Variants in DNAJC3 observed in about 807,000 individuals in gnomAD.
DNAJC3 encodes the protein DnaJ heat shock protein family (Hsp40) member C3.
A neutral mutation model predicts 68.6 loss-of-function variants in DNAJC3; 38 were observed. The observed-to-expected ratio is 0.55, with a 90% CI of 0.43 to 0.73. The LOEUF is 0.73. DNAJC3 is among the 30% of genes least tolerant of loss of function. The pLI, the probability that DNAJC3 is intolerant of heterozygous loss-of-function variation, is 0.00. For missense variants in DNAJC3, 526 were observed against 591.9 expected, an observed-to-expected ratio of 0.89 and a Z score of 1.16; for synonymous variants, 203 against 204.0, an observed-to-expected ratio of 1.00 and a Z score of 0.04.
chr13:95,681,722 C>T (rs1332494742), intron 1 of DNAJC3, among the ~76,000 whole-genome samples: 3 of 152,228 alleles, frequency 2.0e-5, no homozygotes, highest in Admixed American at 2.0e-4. Context: ...AACACTCCCA[C>T]AATTCTTTAC....
Position 95,710,015 on chromosome 13 carries a change from T to C in DNAJC3, c.193+678T>C, listed in dbSNP as rs1166626716. On this transcript the variant is annotated intron_variant, in intron 2 of 11. Transcript: ENST00000602402. The stretch of plus-strand genomic sequence containing the variant: ...TGACTTGGGTTTTCAATATGTTCAC[T>C]TGATATCCTTGGGAGATGCTGCAGT... Among the ~76,000 whole-genome samples the C allele has an allele frequency of 2.0e-5, 3 of 152,210 alleles. No homozygotes were observed. The East Asian group carries it at 5.8e-4, about 29-fold the overall frequency.
Position 95,763,838 on chromosome 13 carries a change from G to T in DNAJC3, c.960G>T (p.Glu320Asp), listed in dbSNP as rs770196837. ...TGTCTCACATTTCCTTTTAGGACGA[G>T]AAGCCTGTTGAAGCTATTAGGGTTT... ...ERICHCFSKD[E>D]KPVEAIRVCS... The change falls in exon 9 of 12, where the codon GAG becomes GAT. Residue 320 changes from glutamate (E) to aspartate (D), a missense_variant. By Grantham distance (45) the Glu-to-Asp change is conservative. Coordinates refer to ENST00000602402, the MANE Select transcript of DNAJC3 (RefSeq NM_006260.5). The T allele has an allele frequency of 1.2e-6, 2 of 1,614,054 alleles. No homozygotes were observed. Among genetic ancestry groups the T allele is most frequent in the Non-Finnish European group, 1.7e-6 (2 of 1,179,958 alleles).
rs548139716 is a variant in DNAJC3 at position 95,772,688 on chromosome 13, C to T, written c.1075+8735C>T. On this transcript the variant is annotated intron_variant, in intron 9 of 11. Transcript: ENST00000602402. ...TACTTTGTGAAGTAAGCATTCTGCACATGCTTACCCACTTAAAAATATTTG... is the reference window on the plus strand; with the variant it reads ...TACTTTGTGAAGTAAGCATTCTGCATATGCTTACCCACTTAAAAATATTTG... Among the ~76,000 whole-genome samples the T allele has an allele frequency of 3.3e-5, 5 of 152,318 alleles. No individual in the cohort carries two copies. The South Asian group carries it at 1.0e-3, about 32-fold the overall frequency.
chr13:95,780,706 T>C (rs1479635431), intron 9 of DNAJC3, among the ~76,000 whole-genome samples: 1 of 152,232 alleles, frequency 6.6e-6, no homozygotes, highest in East Asian at 1.9e-4. Flanking sequence ...CCATGGGACA[T>C]GTTTATATTG....
At position 95,791,240 on chromosome 13, in the gene DNAJC3, T is replaced by TGACA. The variant is rs1883764021; in HGVS notation, c.*213_*216dup. ...AGGAGGCAAGGAATGGTTCTATTTCTGACAGAGCAGCCTGCATCTGCTTTA... is the reference window on the plus strand; with the variant it reads ...AGGAGGCAAGGAATGGTTCTATTTCTGACAGACAGAGCAGCCTGCATCTGCTTTA... On this transcript the variant is annotated 3_prime_UTR_variant, in exon 12 of 12. Transcript: ENST00000602402. 1.7e-6 allele frequency: 1 copy of TGACA among 591,170 alleles called. No homozygotes were observed. Among genetic ancestry groups the TGACA allele is most frequent in the South Asian group, 2.0e-5 (1 of 49,244 alleles). The allele number at this position is 591,170 out of a possible 1,614,324, so 36.6% of individuals were successfully genotyped here.
chr13:95,717,901 C>A lies in DNAJC3; in HGVS notation c.194-5341C>A, dbSNP rs370963068. On this transcript the variant is annotated intron_variant, in intron 2 of 11. Transcript: ENST00000602402. ...ATGAAAACGGACTAACGCACCAGTC[C>A]AGTGTGTTTTTCCTATGCCTCTCAC... 4.6e-5 allele frequency among the ~76,000 whole-genome samples: 7 copies of A among 152,264 alleles called. No homozygotes were observed. The South Asian group carries it at 1.5e-3, about 32-fold the overall frequency.
chr13:95,789,734 CA>C (rs1412616706), intron 11 of DNAJC3, among the ~76,000 whole-genome samples: 2 of 152,336 alleles, frequency 1.3e-5, no homozygotes, highest in Admixed American at 6.5e-5. Flanking sequence ...CTGTCTTCCA[CA>C]ATGGCTGAAT....
intron 3 of DNAJC3, among the ~76,000 whole-genome samples, chr13:95,724,807 T>C (rs753619619): frequency 6.6e-6 from 1 of 152,240 alleles, no homozygotes; most frequent in African/African-American, 2.4e-5. Context: ...GTAGCACATA[T>C]CAATATGTCA....
At chr13:95,711,106 CT>C (rs1406367243) in intron 2 of DNAJC3, among the ~76,000 whole-genome samples, 1 of 152,174 alleles carries the variant, frequency 6.6e-6, no homozygotes, top group Non-Finnish European at 1.5e-5. Context: ...TTTCTTTATG[CT>C]TTTTCTTAAA....
At chr13:95,777,296 C>T (rs1883318955) in intron 9 of DNAJC3, among the ~76,000 whole-genome samples, 1 of 152,098 alleles carries the variant, frequency 6.6e-6, no homozygotes, top group African/African-American at 2.4e-5. Context: ...GTCCAAAGAG[C>T]CCTTATCTTC....
In DNAJC3 at chr13:95,735,717, A is replaced by G. The variant is rs1283575936; in HGVS notation, c.393+10465A>G. 2.6e-5 allele frequency among the ~76,000 whole-genome samples: 4 copies of G among 151,160 alleles called. No individual in the cohort carries two copies. In the East Asian group the frequency reaches 7.8e-4, roughly 29 times the overall value. ...TTTGAGTTCATTGTAGATTCTGGATATTAGCCCTTTGTCAGATGAGTAGGT... is the reference window on the plus strand; with the variant it reads ...TTTGAGTTCATTGTAGATTCTGGATGTTAGCCCTTTGTCAGATGAGTAGGT... On this transcript the variant is annotated intron_variant, in intron 4 of 11. Coordinates refer to ENST00000602402, the MANE Select transcript of DNAJC3 (RefSeq NM_006260.5).
intron 4 of DNAJC3, among the ~76,000 whole-genome samples, chr13:95,727,725 A>G (rs1040123842): frequency 6.6e-6 from 1 of 152,198 alleles, no homozygotes; most frequent in Non-Finnish European, 1.5e-5. Flanking sequence ...CAATCTATCA[A>G]TCTATTCAGA....
chr13:95,723,248 A>G lies in DNAJC3; in HGVS notation c.200A>G (p.Asp67Gly). Residue 67 changes from aspartate (D) to glycine (G), a missense_variant, in exon 3 of 12, where the codon GAC becomes GGC. By Grantham distance (94) the Asp-to-Gly change is moderately conservative. Transcript: ENST00000602402. ...ATATTATTTTAATTTTCAGATGGTG[A>G]CCCTGATAACTATATTGCTTATTAT... ...LSQFHAAVDG[D>G]PDNYIAYYRR... The G allele has an allele frequency of 6.3e-7, 1 of 1,585,974 alleles. No individual in the cohort carries two copies. The highest frequency in any genetic ancestry group is 8.6e-7 in the Non-Finnish European group (1 of 1,164,814).
At chr13:95,721,482 T>C (rs1881320171) in intron 2 of DNAJC3, among the ~76,000 whole-genome samples, 1 of 152,188 alleles carries the variant, frequency 6.6e-6, no homozygotes, top group African/African-American at 2.4e-5. Context: ...TTTTGAGAAA[T>C]CATCTTACGG....
At chr13:95,684,650 G>C (rs140529035) in intron 1 of DNAJC3, among the ~76,000 whole-genome samples, 9 of 152,334 alleles carry the variant, frequency 5.9e-5, no homozygotes, top group African/African-American at 1.2e-4. Context: ...AGGCATCTCA[G>C]CGACCTTTAA....
At chr13:95,783,798 G>A (rs777360160) in intron 9 of DNAJC3, among the ~76,000 whole-genome samples, 3 of 152,130 alleles carry the variant, frequency 2.0e-5, no homozygotes, top group Non-Finnish European at 4.4e-5. Flanking sequence ...ACACGGCCAC[G>A]AAAAATGAGG....
chr13:95,758,892 G>A (rs765374104), intron 5 of DNAJC3, among the ~76,000 whole-genome samples: 10 of 152,172 alleles, frequency 6.6e-5, no homozygotes, highest in African/African-American at 1.4e-4. Flanking sequence ...AGAAGATATT[G>A]TGATATGGTC....
intron 4 of DNAJC3, among the ~76,000 whole-genome samples, chr13:95,735,882 A>T (rs1318645142): frequency 6.6e-6 from 1 of 152,198 alleles, no homozygotes; most frequent in African/African-American, 2.4e-5. Context: ...TGTTTTAGAC[A>T]TGAAGTCTTT....
At chr13:95,716,658 G>A (rs1455083727) in intron 2 of DNAJC3, among the ~76,000 whole-genome samples, 3 of 152,114 alleles carry the variant, frequency 2.0e-5, no homozygotes, top group African/African-American at 4.8e-5. Context: ...CTCTGGAGTC[G>A]GGCTGCCCAG....
Sources: gnomAD v4.1 joint callset for allele counts (sites outside exome capture counted in the v4.1 genomes callset) on GRCh38, gnomAD v4.1.1 for gene constraint, MANE v1.5 for transcripts, NCBI Gene and HGNC (gene_info 2026-07-23, HGNC 2026-07-21) for gene names.